The following BIRC2 variants were observed in gnomAD, a reference collection of about 807,000 sequenced individuals.
BIRC2 encodes the protein baculoviral IAP repeat containing 2, also known as baculoviral IAP repeat-containing protein 2.
A neutral mutation model predicts 60.9 loss-of-function variants in BIRC2; 18 were observed. The observed-to-expected ratio is 0.30, with a 90% CI of 0.20 to 0.44. The LOEUF (loss-of-function observed/expected upper bound fraction) is 0.44. Among genes scored for constraint, BIRC2 ranks in the 20% least tolerant of loss-of-function variants. The probability of loss-of-function intolerance (pLI) is 1.00; values close to 1 mark genes in which losing one functional copy is unlikely to be tolerated. For missense variants in BIRC2, 701 were observed against 728.5 expected (o/e 0.96, Z 0.43); for synonymous variants, 282 against 247.7 (o/e 1.14, Z -1.30).
At chr11:102,352,263 G>C (rs779775868) in intron 3 of BIRC2, among the ~76,000 whole-genome samples, 1 of 151,692 alleles carries the variant, frequency 6.6e-6, no homozygotes, top group African/African-American at 2.4e-5. Flanking sequence ...ACAGGCGCCC[G>C]CTGCCACGCC....
chr11:102,350,929 C>G lies in BIRC2; in HGVS notation c.981C>G (p.Ala327=), dbSNP rs1951351579. ...ESGDDPWVEH[A]KWFPRCEFLI... ...GAGATGATCCATGGGTAGAACATGC[C>G]AAGTGGTTTCCAAGGTAATTGTTTT... The change falls in exon 3 of 9, where the codon GCC becomes GCG. Residue 327 remains alanine, a synonymous_variant. Transcript: ENST00000227758. 2 of 1,613,320 alleles carry G rather than the reference C, an allele frequency of 1.2e-6. No homozygotes were observed. Among genetic ancestry groups the G allele is most frequent in the African/African-American group, 2.7e-5 (2 of 74,854 alleles).
At position 102,349,749 on chromosome 11, in the gene BIRC2, C is replaced by G. The variant is rs952008939; in HGVS notation, c.-106C>G. The G allele has an allele frequency of 3.4e-6, 4 of 1,178,688 alleles. No individual in the cohort carries two copies. Among genetic ancestry groups the G allele is most frequent in the Non-Finnish European group, 4.8e-6 (4 of 838,016 alleles). The allele number at this position is 1,178,688 out of a possible 1,614,324, so 73.0% of individuals were successfully genotyped here. A position where few individuals can be genotyped will look rare whatever the true frequency, so the allele number is the denominator to read the frequency against. ...TCCAGTAAAGAAAGTGTAGTAAATT[C>G]TACATAAGAGTCTATCATTGATTTC... On this transcript the variant is annotated 5_prime_UTR_variant, in exon 2 of 9. Transcript: ENST00000227758.
intron 5 of BIRC2, among the ~76,000 whole-genome samples, chr11:102,366,641 T>C (rs1313906784): frequency 6.6e-6 from 1 of 152,028 alleles, no homozygotes; most frequent in African/African-American, 2.4e-5. Flanking sequence ...AGTGCTGGGA[T>C]TACAGGCATG....
rs1170926563 is a variant in BIRC2 at position 102,350,366 on chromosome 11, C to T, written c.512C>T (p.Ser171Leu). Residue 171 changes from serine (S) to leucine (L), a missense_variant, in exon 2 of 9, where the codon TCA (serine) becomes TTA (leucine). Around this residue, in one of 4 missense-constraint regions of BIRC2, gnomAD observed 375 missense variants for 365.9 expected, o/e 1.02. Coordinates refer to ENST00000227758, the MANE Select transcript of BIRC2 (RefSeq NM_001166.5). ...LNSRAVEDIS[S>L]SRTNPYSYAM... The stretch of plus-strand genomic sequence containing the variant: ...TCTAGAGCAGTTGAAGACATCTCTT[C>T]ATCGAGGACTAACCCCTACAGTTAT... 6.8e-6 allele frequency: 11 copies of T among 1,614,214 alleles called. No homozygotes were observed. The highest frequency in any genetic ancestry group is 9.3e-6 in the Non-Finnish European group (11 of 1,180,040).
intron 3 of BIRC2, among the ~76,000 whole-genome samples, chr11:102,361,463 AG>A (rs1405650382): frequency 6.6e-6 from 1 of 151,934 alleles, no homozygotes; most frequent in Non-Finnish European, 1.5e-5. Context: ...GGGCAGTGCA[AG>A]AGCTGCTTTT....
At chr11:102,360,566 A>G (rs959901239) in intron 3 of BIRC2, among the ~76,000 whole-genome samples, 4 of 151,244 alleles carry the variant, frequency 2.6e-5, no homozygotes, top group African/African-American at 4.9e-5. Context: ...GTTCTTTTGT[A>G]GCTCACTGAG....
intron 3 of BIRC2, among the ~76,000 whole-genome samples, chr11:102,359,543 C>G (rs1358082398): frequency 6.6e-6 from 1 of 152,108 alleles, no homozygotes; most frequent in Non-Finnish European, 1.5e-5. Context: ...TGATAAACTC[C>G]CTCAGCTTTT....
intron 3 of BIRC2, among the ~76,000 whole-genome samples, chr11:102,357,964 A>T (rs1951442746): frequency 6.6e-6 from 1 of 151,930 alleles, no homozygotes; most frequent in African/African-American, 2.4e-5. Flanking sequence ...ATTTTTTAAA[A>T]TTTTCTTTTT....
At chr11:102,377,458 T>C in intron 6 of BIRC2, 38 bp from the exon 7 acceptor site, 5 of 1,555,328 alleles carry the variant, frequency 3.2e-6, no homozygotes, top group Non-Finnish European at 4.3e-6. Flanking sequence ...TAAAGGAGTT[T>C]AAAATCTAAT....
At chr11:102,367,767 C>A (rs907927723) in intron 5 of BIRC2, among the ~76,000 whole-genome samples, 1 of 152,156 alleles carries the variant, frequency 6.6e-6, no homozygotes, top group Non-Finnish European at 1.5e-5. Context: ...TTCACTACAT[C>A]TTCTGGGTGA....
At position 102,349,039 on chromosome 11, in the gene BIRC2, G is replaced by A. The variant is rs1022354207; in HGVS notation, c.-816G>A. 1 of 153,766 alleles carries A rather than the reference G, an allele frequency of 6.5e-6. No individual in the cohort carries two copies. Among genetic ancestry groups the A allele is most frequent in the Non-Finnish European group, 1.5e-5 (1 of 68,934 alleles). 9.5% of individuals were successfully genotyped at this position (153,766 alleles called of 1,614,324 possible). ...TACCTTCAGTTGATCAAGAATAATA[G>A]TGGTATACAAAGTTAGGAAGAAAGT... On this transcript the variant is annotated 5_prime_UTR_variant, in exon 2 of 9. In the 5' UTR this introduces an upstream ATG that the reference lacks. Transcript: ENST00000227758.
intron 6 of BIRC2, among the ~76,000 whole-genome samples, chr11:102,370,008 G>C (rs1484405946): frequency 6.6e-6 from 1 of 152,074 alleles, no homozygotes; most frequent in Admixed American, 6.5e-5. Flanking sequence ...TTTTTGATGG[G>C]GTTGTTTGTT....
chr11:102,350,991 A>G (rs187708615), intron 3 of BIRC2, 48 bp downstream of exon 3: 4 of 1,561,508 alleles, frequency 2.6e-6, no homozygotes, highest in Non-Finnish European at 3.5e-6. Context: ...TGTGCTTAAA[A>G]GAAGTAGGCA....
At chr11:102,373,203 T>C (rs1467677388) in intron 6 of BIRC2, among the ~76,000 whole-genome samples, 2 of 152,172 alleles carry the variant, frequency 1.3e-5, no homozygotes, top group African/African-American at 4.8e-5. Flanking sequence ...AATTTGATCC[T>C]GTCATTATGA....
intron 5 of BIRC2, among the ~76,000 whole-genome samples, chr11:102,366,669 C>T (rs1951556369): frequency 6.6e-6 from 1 of 151,924 alleles, no homozygotes; most frequent in Non-Finnish European, 1.5e-5. Context: ...ATGCCCGGCC[C>T]TCCACCACTA....
At chr11:102,372,041 A>G (rs1358833303) in intron 6 of BIRC2, among the ~76,000 whole-genome samples, 9 of 152,136 alleles carry the variant, frequency 5.9e-5, no homozygotes, top group Non-Finnish European at 1.2e-4. Flanking sequence ...TATTGCGTCT[A>G]TTTGATTCTT....
Position 102,362,976 on chromosome 11 carries a change from T to G in BIRC2, c.1074+2T>G. On this transcript the variant is annotated splice_donor_variant, in intron 4 of 8. Coordinates refer to ENST00000227758, the MANE Select transcript of BIRC2 (RefSeq NM_001166.5). LOFTEE classifies it high-confidence loss of function. ...AGATATCCTCATCTTCTTGAACAGG[T>G]AAATACATTTTTAAAATTAACAACA... The G allele has an allele frequency of 6.3e-7, 1 of 1,596,516 alleles. No individual in the cohort carries two copies. The highest frequency in any genetic ancestry group is 8.6e-7 in the Non-Finnish European group (1 of 1,165,500).
chr11:102,372,271 T>C (rs1422241585), intron 6 of BIRC2, among the ~76,000 whole-genome samples: 1 of 152,222 alleles, frequency 6.6e-6, no homozygotes, highest in Non-Finnish European at 1.5e-5. Flanking sequence ...AGGGTGTCAA[T>C]TTTAGATCTT....
At chr11:102,375,893 A>G (rs1316303390) in intron 6 of BIRC2, among the ~76,000 whole-genome samples, 1 of 152,058 alleles carries the variant, frequency 6.6e-6, no homozygotes, top group African/African-American at 2.4e-5. Flanking sequence ...TGACTCCCAT[A>G]GGGTTGCTGT....
Sources: allele counts gnomAD v4.1 joint callset (sites outside exome capture counted in the v4.1 genomes callset), GRCh38; gene constraint gnomAD v4.1.1; regional missense constraint gnomAD v4.1.1; transcripts MANE v1.5; gene names NCBI Gene and HGNC (gene_info 2026-07-23, HGNC 2026-07-21).